Variants in NTN1 observed in about 807,000 individuals in gnomAD.
NTN1 encodes the protein netrin-1.
Under a neutral mutation model 54.2 loss-of-function variants are expected in NTN1, and 11 were observed. The ratio of observed to expected loss-of-function variants is 0.20; its 90% CI spans 0.13 to 0.34. The LOEUF (loss-of-function observed/expected upper bound fraction) is 0.34. Among genes scored for constraint, NTN1 ranks in the 10% least tolerant of loss-of-function variants. The pLI is 1.00. For synonymous variants in NTN1, 371 were observed against 382.0 expected (o/e 0.97, Z 0.33); for missense variants, 740 against 893.1 (o/e 0.83, Z 2.18).
intron 2 of NTN1, among the ~76,000 whole-genome samples, chr17:9,154,418 T>C (rs1597508338): frequency 6.6e-6 from 1 of 152,244 alleles, no homozygotes; most frequent in African/African-American, 2.4e-5. Context: ...TGGATTGTTT[T>C]ATAAATGTAT....
At chr17:9,042,515 G>A (rs1398387540) in intron 2 of NTN1, among the ~76,000 whole-genome samples, 7 of 139,946 alleles carry the variant, frequency 5.0e-5, no homozygotes, top group African/African-American at 1.1e-4. Flanking sequence ...TGAGGCTGGC[G>A]CGGTGGCTCA....
At chr17:9,228,192 C>T (rs762302454) in intron 6 of NTN1, among the ~76,000 whole-genome samples, 14 of 152,076 alleles carry the variant, frequency 9.2e-5, no homozygotes, top group Non-Finnish European at 1.6e-4. Context: ...ACGGTGTGGC[C>T]CATTCTTTAG....
chr17:9,070,999 C>T (rs901042057), intron 2 of NTN1, among the ~76,000 whole-genome samples: 4 of 152,242 alleles, frequency 2.6e-5, no homozygotes, highest in African/African-American at 9.6e-5. Flanking sequence ...CTGTTTCAGA[C>T]CATTCCCATG....
intron 2 of NTN1, among the ~76,000 whole-genome samples, chr17:9,069,432 G>A (rs1014401554): frequency 1.3e-5 from 2 of 152,052 alleles, no homozygotes; most frequent in South Asian, 2.1e-4. Context: ...TTCTCATTTC[G>A]TATTTCGTAA....
At chr17:9,174,529 C>G (rs1321776536) in intron 3 of NTN1, 1 of 152,360 alleles carries the variant, frequency 6.6e-6, no homozygotes, top group Non-Finnish European at 1.5e-5. Flanking sequence ...TGGTTTTGTT[C>G]CAAGAAACAT....
intron 2 of NTN1, among the ~76,000 whole-genome samples, chr17:9,078,359 T>A (rs1285320000): frequency 6.6e-6 from 1 of 151,810 alleles, no homozygotes; most frequent in Non-Finnish European, 1.5e-5. Flanking sequence ...CAGGGAGGAG[T>A]TAGCCAGATG....
At chr17:9,117,048 G>A (rs1007291488) in intron 2 of NTN1, among the ~76,000 whole-genome samples, 4 of 152,222 alleles carry the variant, frequency 2.6e-5, no homozygotes, top group African/African-American at 7.2e-5. Context: ...CCCACTGGGC[G>A]GGGAGAGGAG....
chr17:9,144,192 G>A (rs1019653092), intron 2 of NTN1, among the ~76,000 whole-genome samples: 2 of 151,890 alleles, frequency 1.3e-5, no homozygotes, highest in African/African-American at 2.4e-5. Context: ...CACTGCGCCC[G>A]GCCGTTACCG....
At chr17:9,206,403 G>A (rs1439585597) in intron 5 of NTN1, among the ~76,000 whole-genome samples, 1 of 152,206 alleles carries the variant, frequency 6.6e-6, no homozygotes, top group Admixed American at 6.5e-5. Flanking sequence ...CATCTCACAT[G>A]GTCAGTGCAG....
At chr17:9,148,110 G>A (rs995304512) in intron 2 of NTN1, among the ~76,000 whole-genome samples, 3 of 152,126 alleles carry the variant, frequency 2.0e-5, no homozygotes, top group Non-Finnish European at 1.5e-5. Flanking sequence ...AGAGGGGCGT[G>A]GTCTGTCTGT....
At chr17:9,065,601 C>T (rs556159639) in intron 2 of NTN1, among the ~76,000 whole-genome samples, 44 of 152,342 alleles carry the variant, frequency 2.9e-4, no homozygotes, top group African/African-American at 9.6e-4. Context: ...GTGAACGCCA[C>T]CAGGGCAAGC....
At chr17:9,111,340 T>TG (rs2092189956) in intron 2 of NTN1, among the ~76,000 whole-genome samples, 1 of 152,234 alleles carries the variant, frequency 6.6e-6, no homozygotes, top group African/African-American at 2.4e-5. Flanking sequence ...CATATCTTTT[T>TG]GGGGGTCATT....
Position 9,211,401 on chromosome 17 carries a change from C to G in NTN1, c.1412-9767C>G, listed in dbSNP as rs1364567948. Among the ~76,000 whole-genome samples the G allele has an allele frequency of 3.3e-5, 5 of 152,190 alleles. No homozygotes were observed. The highest frequency in any genetic ancestry group is 7.3e-5 in the Non-Finnish European group (5 of 68,042). ...CCCAGTGTGCTCGGCTCACTGTCAT[C>G]ATTTCCTGAGTGTCACCGTCAGGAA... On this transcript the variant is annotated intron_variant, in intron 5 of 6. Transcript: ENST00000173229. This position sits in a 1 kb window ranked among gnomAD's most constrained non-coding sequence, Gnocchi z 4.4.
rs2092350998 is a variant in NTN1 at position 9,159,186 on chromosome 17, G to T, written c.1019-3627G>T. Among the ~76,000 whole-genome samples the T allele has an allele frequency of 2.6e-5, 4 of 152,162 alleles. No homozygotes were observed. In the South Asian group the frequency reaches 8.3e-4, roughly 32 times the overall value. On this transcript the variant is annotated intron_variant, in intron 2 of 6. Coordinates refer to ENST00000173229, the MANE Select transcript of NTN1 (RefSeq NM_004822.3). ...AATCCTCCTGATCACTAGACAGCATGAAAAAAGTCCACCTTATTTGAAAAC... is the reference window on the plus strand; with the variant it reads ...AATCCTCCTGATCACTAGACAGCATTAAAAAAGTCCACCTTATTTGAAAAC...
rs1433261972 is a variant in NTN1, at chr17:9,022,589, G to T, written c.216G>T (p.Arg72=). 6.5e-7 allele frequency: 1 copy of T among 1,545,514 alleles called. No individual in the cohort carries two copies. Among genetic ancestry groups the T allele is most frequent in the Non-Finnish European group, 8.7e-7 (1 of 1,145,878 alleles). ...KDVRVSSTCG[R]PPARYCVVSE... is the part of the protein sequence containing the mutation. ...TGCGCGTGTCCAGCACCTGCGGCCG[G>T]CCCCCGGCGCGCTACTGCGTGGTGA... Residue 72 remains arginine, a synonymous_variant, in exon 2 of 7, where the codon CGG becomes CGT. Transcript: ENST00000173229.
At chr17:9,152,751 A>C (rs7212143) in intron 2 of NTN1, among the ~76,000 whole-genome samples, 2 of 152,102 alleles carry the variant, frequency 1.3e-5, no homozygotes, top group Non-Finnish European at 2.9e-5. Context: ...TTAGACTTTT[A>C]GGGCCAGAAA....
chr17:9,152,395 G>A (rs1290557051), intron 2 of NTN1, among the ~76,000 whole-genome samples: 2 of 152,132 alleles, frequency 1.3e-5, no homozygotes, highest in Non-Finnish European at 2.9e-5. Flanking sequence ...CATTCTCTCT[G>A]AAAGACCCAG....
chr17:9,033,765 A>G (rs1024008659), intron 2 of NTN1, among the ~76,000 whole-genome samples: 5 of 151,978 alleles, frequency 3.3e-5, no homozygotes, highest in African/African-American at 9.7e-5. Flanking sequence ...TAAAAATACA[A>G]AATTAGCCGG....
At chr17:9,225,450 C>T (rs1905502510) in intron 6 of NTN1, among the ~76,000 whole-genome samples, 2 of 152,106 alleles carry the variant, frequency 1.3e-5, no homozygotes, top group Admixed American at 1.3e-4. Context: ...TGAGTGCCCC[C>T]ACAGGGGCTG....
Sources: gnomAD v4.1 joint callset for allele counts (sites outside exome capture counted in the v4.1 genomes callset) on GRCh38, gnomAD v4.1.1 for gene constraint, Gnocchi (gnomAD v3.1) non-coding constraint, MANE v1.5 for transcripts, NCBI Gene and HGNC (gene_info 2026-07-23, HGNC 2026-07-21) for gene names.